ZNF600: variants seen among roughly 807,000 people sequenced by gnomAD.
The protein encoded by ZNF600 is zinc finger protein 600.
Under a neutral mutation model 7.3 loss-of-function variants are expected in ZNF600, and 4 were observed. The observed-to-expected ratio is 0.55, with a 90% CI of 0.27 to 1.25. The LOEUF is 1.25. Ranked by LOEUF, ZNF600 falls within the 50% of genes most tolerant of loss-of-function variation. The pLI is 0.12. For synonymous variants in ZNF600, 290 were observed against 308.9 expected, an observed-to-expected ratio of 0.94 and a Z score of 0.64; for missense variants, 911 against 922.1, an observed-to-expected ratio of 0.99 and a Z score of 0.16.
At chr19:52,786,834 A>C (rs1559238), upstream of ZNF600, 1 of 299,326 alleles carries the variant, frequency 3.3e-6, no homozygotes, top group Non-Finnish European at 7.2e-6. Context: ...GGCGGGGTAG[A>C]GGCGGGGCCC....
chr19:52,832,533 T>G, the ZNF600 span, among the ~76,000 whole-genome samples: 4 of 152,048 alleles, frequency 2.6e-5, no homozygotes, highest in African/African-American at 9.6e-5. Context: ...AGGCAGATGT[T>G]GCAGTCAGCT....
the ZNF600 span, among the ~76,000 whole-genome samples, chr19:52,797,118 T>C: frequency 6.6e-6 from 1 of 152,350 alleles, no homozygotes; most frequent in Non-Finnish European, 1.5e-5. Flanking sequence ...CACTTGAACA[T>C]AATGAAAGAT....
the ZNF600 span, among the ~76,000 whole-genome samples, chr19:52,823,207 T>TG: frequency 6.6e-6 from 1 of 152,210 alleles, no homozygotes; most frequent in East Asian, 1.9e-4. Flanking sequence ...CACTTTTTGT[T>TG]TTGTTTTGTT....
the ZNF600 span, chr19:52,799,993 G>C: frequency 1.5e-4 from 244 of 1,612,818 alleles, 1 homozygote; most frequent in African/African-American, 2.9e-3. Context: ...GATGATGTCT[G>C]ACGGAAGGTC....
the ZNF600 span, chr19:52,800,963 A>G: frequency 6.2e-7 from 1 of 1,614,180 alleles, no homozygotes; most frequent in Non-Finnish European, 8.5e-7. Flanking sequence ...GTTTGTCTGC[A>G]GTATGAAGCG....
exon 4 of ZNF600, chr19:52,766,400 A>C (rs1259615616): frequency 6.2e-7 from 1 of 1,614,084 alleles, no homozygotes; most frequent in Non-Finnish European, 8.5e-7. Context: ...TTGATCCACA[A>C]CTGAAAACCT....
At chr19:52,783,428 C>A (rs2062739284) in intron 1 of ZNF600, among the ~76,000 whole-genome samples, 1 of 152,200 alleles carries the variant, frequency 6.6e-6, no homozygotes, top group Non-Finnish European at 1.5e-5. Context: ...GTGGCGCGAT[C>A]TCGGCTCACT....
the ZNF600 span, among the ~76,000 whole-genome samples, chr19:52,796,263 C>T: frequency 6.6e-6 from 1 of 152,248 alleles, no homozygotes; most frequent in African/African-American, 2.4e-5. Context: ...TCAGGAGGTC[C>T]TGACGATGTG....
At chr19:52,772,094 C>G (rs1349295784) in intron 3 of ZNF600, among the ~76,000 whole-genome samples, 1 of 152,182 alleles carries the variant, frequency 6.6e-6, no homozygotes, top group African/African-American at 2.4e-5. Context: ...GGACGAATCA[C>G]CTGAGGTTGG....
At chr19:52,778,826 C>T (rs2062697125) in exon 2 of ZNF600, 1 of 1,606,756 alleles carries the variant, frequency 6.2e-7, no homozygotes, top group Non-Finnish European at 8.5e-7. Context: ...ATCACTTCAC[C>T]TGAGGAAGAG....
At chr19:52,812,739 G>A in the ZNF600 span, among the ~76,000 whole-genome samples, 3 of 103,534 alleles carry the variant, frequency 2.9e-5, no homozygotes, top group Admixed American at 1.2e-4. Context: ...CCCCCTCTGC[G>A]AGAAACACCC....
exon 4 of ZNF600, chr19:52,766,005 C>T: frequency 1.9e-6 from 3 of 1,614,146 alleles, no homozygotes; most frequent in Non-Finnish European, 2.5e-6. Context: ...ACAAACCGTA[C>T]ATTTGTAAGA....
At chr19:52,818,513 G>C in the ZNF600 span, among the ~76,000 whole-genome samples, 1 of 152,100 alleles carries the variant, frequency 6.6e-6, no homozygotes, top group Non-Finnish European at 1.5e-5. Context: ...AGGAGTTCAA[G>C]AGCAGCCTGG....
chr19:52,767,488 T>A, exon 4 of ZNF600: 1 of 1,614,208 alleles, frequency 6.2e-7, no homozygotes, highest in Non-Finnish European at 8.5e-7. Context: ...GAATAAAAGC[T>A]TGATCCAAGC....
intron 1 of ZNF600, among the ~76,000 whole-genome samples, chr19:52,782,705 C>T (rs986639537): frequency 3.9e-5 from 6 of 152,114 alleles, no homozygotes; most frequent in African/African-American, 4.8e-5. Context: ...AACCCTGTCT[C>T]TACTAAAAAT....
chr19:52,800,660 T>C, the ZNF600 span: 1 of 1,613,366 alleles, frequency 6.2e-7, no homozygotes, highest in Non-Finnish European at 8.5e-7. Flanking sequence ...CAAGATGTGA[T>C]TTGCGACTGA....
chr19:52,808,173 A>C, the ZNF600 span: 19 of 1,606,262 alleles, frequency 1.2e-5, no homozygotes, highest in Non-Finnish European at 1.6e-5. Flanking sequence ...GTTATGGTGG[A>C]GTTCTTATCT....
the ZNF600 span, among the ~76,000 whole-genome samples, chr19:52,819,711 C>G: frequency 1.4e-5 from 2 of 142,910 alleles, no homozygotes; most frequent in African/African-American, 5.8e-5. Flanking sequence ...CTGGTCTTAT[C>G]ATCCCATCCT....
At chr19:52,793,463 C>G in the ZNF600 span, among the ~76,000 whole-genome samples, 1 of 152,208 alleles carries the variant, frequency 6.6e-6, no homozygotes, top group Non-Finnish European at 1.5e-5. Context: ...AGTGAAGGCC[C>G]TGGGACAGGA....
Sources: gnomAD v4.1 joint callset for allele counts (sites outside exome capture counted in the v4.1 genomes callset) on GRCh38, gnomAD v4.1.1 for gene constraint, MANE v1.5 for transcripts, NCBI Gene and HGNC (gene_info 2026-07-23, HGNC 2026-07-21) for gene names.